Variants in ZNF804A observed in about 807,000 individuals in gnomAD.
The protein encoded by ZNF804A is zinc finger protein 804A.
Under a neutral mutation model 16.5 loss-of-function variants are expected in ZNF804A, and 2 were observed. The observed-to-expected ratio is 0.12, with a 90% CI of 0.05 to 0.38. ZNF804A has a LOEUF of 0.38. ZNF804A is among the 10% of genes least tolerant of loss of function. The pLI, the probability that ZNF804A is intolerant of heterozygous loss-of-function variation, is 0.99. For synonymous variants in ZNF804A, 534 were observed against 489.6 expected (o/e 1.09, Z -1.20); for missense variants, 1,473 against 1,390.7 (o/e 1.06, Z -0.94).
intron 1 of ZNF804A, among the ~76,000 whole-genome samples, chr2:184,780,514 C>G (rs1418562068): frequency 6.6e-6 from 1 of 151,566 alleles, no homozygotes; most frequent in African/African-American, 2.4e-5. Flanking sequence ...TCCATTTGTG[C>G]TTATTCCATT....
At chr2:184,719,311 G>T (rs1273386432) in intron 1 of ZNF804A, among the ~76,000 whole-genome samples, 1 of 151,876 alleles carries the variant, frequency 6.6e-6, no homozygotes, top group African/African-American at 2.4e-5. Context: ...ACACTTTCAG[G>T]CCTGTAATGG....
At chr2:184,680,214 G>C (rs1692515408) in intron 1 of ZNF804A, among the ~76,000 whole-genome samples, 1 of 151,952 alleles carries the variant, frequency 6.6e-6, no homozygotes, top group Non-Finnish European at 1.5e-5. Flanking sequence ...GAGCTGAACA[G>C]ATGGGATGAC....
chr2:184,696,838 C>G (rs1334579096), intron 1 of ZNF804A, among the ~76,000 whole-genome samples: 1 of 151,670 alleles, frequency 6.6e-6, no homozygotes, highest in East Asian at 1.9e-4. Flanking sequence ...ATTAAATATG[C>G]TGATTAAGCT....
At chr2:184,614,241 C>T (rs984889657) in intron 1 of ZNF804A, among the ~76,000 whole-genome samples, 4 of 152,078 alleles carry the variant, frequency 2.6e-5, no homozygotes, top group Non-Finnish European at 5.9e-5. Context: ...AGGCAGAAAA[C>T]GGAAACTGGA....
At chr2:184,629,037 A>G (rs1452157900) in intron 1 of ZNF804A, among the ~76,000 whole-genome samples, 2 of 151,952 alleles carry the variant, frequency 1.3e-5, no homozygotes, top group East Asian at 1.9e-4. Context: ...TGAATATTTT[A>G]GTTTCCCTAA....
intron 1 of ZNF804A, among the ~76,000 whole-genome samples, chr2:184,713,529 A>G (rs1693163108): frequency 1.3e-5 from 2 of 151,998 alleles, no homozygotes; most frequent in South Asian, 2.1e-4. Context: ...TTGTCTACAT[A>G]GTTGTACTTG....
intron 1 of ZNF804A, among the ~76,000 whole-genome samples, chr2:184,790,008 G>A (rs545105491): frequency 2.0e-5 from 3 of 151,644 alleles, no homozygotes; most frequent in African/African-American, 7.3e-5. Flanking sequence ...GATCCCAAAG[G>A]TTTTGATATA....
intron 1 of ZNF804A, among the ~76,000 whole-genome samples, chr2:184,733,321 A>G (rs1196715354): frequency 6.6e-6 from 1 of 152,138 alleles, no homozygotes; most frequent in East Asian, 1.9e-4. Context: ...TTGATGTAAT[A>G]GATTACATTA....
In ZNF804A at chr2:184,936,256, A is replaced by G; in HGVS notation, c.860A>G (p.Asp287Gly). Residue 287 changes from aspartate (D) to glycine (G), a missense_variant, in exon 4 of 4, where the codon GAC becomes GGC. Physicochemically the swap from Asp to Gly is moderately conservative, Grantham distance 94. Coordinates refer to ENST00000302277, the MANE Select transcript of ZNF804A (RefSeq NM_194250.2). ...SFHPPEAMCRDKETVQTQEIK... is the reference protein window; with the variant it reads ...SFHPPEAMCRGKETVQTQEIK... ...CATCCACCAGAGGCAATGTGCAGAG[A>G]CAAAGAAACTGTTCAAACTCAAGAG... The G allele has an allele frequency of 6.2e-7, 1 of 1,614,044 alleles. No individual in the cohort carries two copies.
At chr2:184,799,026 G>C (rs780964423) in intron 1 of ZNF804A, among the ~76,000 whole-genome samples, 1 of 152,070 alleles carries the variant, frequency 6.6e-6, no homozygotes, top group Non-Finnish European at 1.5e-5. Context: ...CACTCAGCAA[G>C]TCTCTCTGGT....
intron 1 of ZNF804A, among the ~76,000 whole-genome samples, chr2:184,761,659 A>C (rs1331708485): frequency 6.6e-6 from 1 of 152,136 alleles, no homozygotes; most frequent in African/African-American, 2.4e-5. Context: ...AACATAACTG[A>C]ACAAAACAAA....
At chr2:184,698,264 AG>A (rs1432108544) in intron 1 of ZNF804A, among the ~76,000 whole-genome samples, 9 of 152,108 alleles carry the variant, frequency 5.9e-5, no homozygotes, top group Non-Finnish European at 1.0e-4. Flanking sequence ...CCATTATAAA[AG>A]GTTGATAGTC....
chr2:184,783,315 T>C (rs1344340592), intron 1 of ZNF804A, among the ~76,000 whole-genome samples: 3 of 151,524 alleles, frequency 2.0e-5, no homozygotes, highest in Non-Finnish European at 4.4e-5. Flanking sequence ...TATCAGAAGC[T>C]TCCAAGTTTT....
intron 1 of ZNF804A, among the ~76,000 whole-genome samples, chr2:184,798,590 T>C (rs1457595924): frequency 1.3e-5 from 2 of 152,184 alleles, no homozygotes; most frequent in South Asian, 2.1e-4. Context: ...TGAAGTTTGA[T>C]TGTTTTTTCT....
chr2:184,832,878 G>C (rs1471704793), intron 1 of ZNF804A, among the ~76,000 whole-genome samples: 1 of 151,794 alleles, frequency 6.6e-6, no homozygotes, highest in Non-Finnish European at 1.5e-5. Flanking sequence ...ATTGCCAATA[G>C]AATTCATAAA....
At chr2:184,874,657 T>C (rs1330978073) in intron 2 of ZNF804A, among the ~76,000 whole-genome samples, 3 of 152,186 alleles carry the variant, frequency 2.0e-5, no homozygotes, top group African/African-American at 7.2e-5. Flanking sequence ...TAAACTTTAA[T>C]CAATATTAAA....
chr2:184,711,926 T>C (rs1236579680), intron 1 of ZNF804A, among the ~76,000 whole-genome samples: 1 of 151,750 alleles, frequency 6.6e-6, no homozygotes, highest in Admixed American at 6.6e-5. Context: ...GCGTCCAGTT[T>C]TGTTGTTCTT....
At chr2:184,871,162 A>G (rs2105813375) in intron 2 of ZNF804A, among the ~76,000 whole-genome samples, 1 of 151,712 alleles carries the variant, frequency 6.6e-6, no homozygotes, top group African/African-American at 2.4e-5. Context: ...CCTATAAAGG[A>G]TGATATCTCC....
chr2:184,661,693 C>T (rs762229503), intron 1 of ZNF804A, among the ~76,000 whole-genome samples: 1 of 152,136 alleles, frequency 6.6e-6, no homozygotes, highest in African/African-American at 2.4e-5. Flanking sequence ...GTCATGGACT[C>T]TACCGGAACC....
Sources: allele counts gnomAD v4.1 joint callset (sites outside exome capture counted in the v4.1 genomes callset), GRCh38; gene constraint gnomAD v4.1.1; transcripts MANE v1.5; gene names NCBI Gene and HGNC (gene_info 2026-07-23, HGNC 2026-07-21).